Variants in TANC2 observed in about 807,000 individuals in gnomAD.
TANC2 encodes the protein protein TANC2.
A neutral mutation model predicts 210.5 loss-of-function variants in TANC2; 26 were observed. The ratio of observed to expected loss-of-function variants is 0.12; its 90% CI spans 0.09 to 0.17. The LOEUF is 0.17. Among genes scored for constraint, TANC2 ranks in the 10% least tolerant of loss-of-function variants. The pLI is 1.00. For missense variants in TANC2, 2,129 were observed against 2,608.9 expected (o/e 0.82, Z 4.01); for synonymous variants, 931 against 967.1 (o/e 0.96, Z 0.69).
In TANC2 at chr17:63,237,804, T is replaced by G; in HGVS notation, c.770-10T>G. The G allele has an allele frequency of 1.3e-6, 2 of 1,533,136 alleles. No individual in the cohort carries two copies. Among genetic ancestry groups the G allele is most frequent in the Non-Finnish European group, 1.8e-6 (2 of 1,140,722 alleles). The allele number at this position is 1,533,136 out of a possible 1,614,324, so 95.0% of individuals were successfully genotyped here. A position where few individuals can be genotyped will look rare whatever the true frequency, so the allele number is the denominator to read the frequency against. On this transcript the variant is annotated splice_polypyrimidine_tract_variant and intron_variant, in intron 7 of 27. Transcript: ENST00000689528. Reference sequence around the variant, plus strand: ...GCTTTATTAAATTCATTTTACTCTTTTTTTTTCAGCTACATTAACAAGCTA... The same window carrying G: ...GCTTTATTAAATTCATTTTACTCTTGTTTTTTCAGCTACATTAACAAGCTA...
chr17:63,332,212 AT>A, intron 11 of TANC2: 2 of 364,724 alleles, frequency 5.5e-6, no homozygotes, highest in Admixed American at 3.9e-5. Flanking sequence ...TGCTCTGGGA[AT>A]TTTGGCTATA....
At chr17:63,382,844 T>C (rs2047656639) in intron 15 of TANC2, among the ~76,000 whole-genome samples, 1 of 152,224 alleles carries the variant, frequency 6.6e-6, no homozygotes, top group South Asian at 2.1e-4. Context: ...TTTTTAATGC[T>C]ATAAGATTCT....
At position 63,421,032 on chromosome 17, in the gene TANC2, G is replaced by A. The variant is rs2049009654; in HGVS notation, c.5302G>A (p.Gly1768Ser). ...GCATGTCCAAGCCAGCCTGAGTGCAGGCGCCATCTGTCAGCATGGAGGATT... is the reference window on the plus strand; with the variant it reads ...GCATGTCCAAGCCAGCCTGAGTGCAAGCGCCATCTGTCAGCATGGAGGATT... The change falls in exon 28 of 28, where the codon GGC (glycine) becomes AGC (serine). Residue 1768 changes from glycine (G) to serine (S), a missense_variant. By Grantham distance (56) the Gly-to-Ser change is moderately conservative. Around this residue, in one of 5 missense-constraint regions of TANC2, gnomAD observed 584 missense variants for 627.3 expected, o/e 0.93. Coordinates refer to ENST00000689528, the Ensembl canonical transcript of TANC2. This position sits in a 1 kb window ranked among gnomAD's most constrained non-coding sequence, Gnocchi z 6.9. 2 of 1,614,008 alleles carry A rather than the reference G, an allele frequency of 1.2e-6. No homozygotes were observed. The highest frequency in any genetic ancestry group is 1.7e-6 in the Non-Finnish European group (2 of 1,179,888).
chr17:63,110,460 TA>T (rs1242651713), intron 4 of TANC2, among the ~76,000 whole-genome samples: 2 of 151,752 alleles, frequency 1.3e-5, no homozygotes, highest in African/African-American at 4.9e-5. Flanking sequence ...GGGTAATTCA[TA>T]AAGAACAGAA....
At chr17:63,284,367 G>A (rs2044156304) in intron 9 of TANC2, among the ~76,000 whole-genome samples, 1 of 151,884 alleles carries the variant, frequency 6.6e-6, no homozygotes, top group Admixed American at 6.6e-5. Flanking sequence ...CTGTATTTAT[G>A]TTCATGAGAG....
chr17:63,326,307 G>C (rs1266635834), intron 11 of TANC2, among the ~76,000 whole-genome samples: 2 of 152,124 alleles, frequency 1.3e-5, no homozygotes, highest in African/African-American at 4.8e-5. Flanking sequence ...AATTAAATGG[G>C]CTGAGACAAC....
At chr17:63,101,897 C>T (rs1046848613) in intron 4 of TANC2, among the ~76,000 whole-genome samples, 4 of 152,046 alleles carry the variant, frequency 2.6e-5, no homozygotes, top group African/African-American at 9.7e-5. Flanking sequence ...CCAGGCAGAG[C>T]TAACAGTCAG....
intron 7 of TANC2, among the ~76,000 whole-genome samples, chr17:63,222,760 C>T (rs1046258632): frequency 1.8e-4 from 28 of 151,832 alleles, no homozygotes; most frequent in Admixed American, 1.8e-3. Flanking sequence ...TACACACTAG[C>T]ATGACACAGC....
At chr17:63,124,525 G>A (rs981171597) in intron 4 of TANC2, among the ~76,000 whole-genome samples, 2 of 152,184 alleles carry the variant, frequency 1.3e-5, no homozygotes, top group Non-Finnish European at 2.9e-5. Context: ...CATTAAAGAG[G>A]AGAAAGAAAG....
intron 1 of TANC2, among the ~76,000 whole-genome samples, chr17:62,987,306 G>A (rs561567491): frequency 3.9e-5 from 6 of 152,154 alleles, no homozygotes; most frequent in Non-Finnish European, 8.8e-5. Context: ...TGGAGCCCCC[G>A]TGCTGGAGAG....
At chr17:63,423,491 C>T (rs531983818) in exon 28 of TANC2, 15 of 152,300 alleles carry the variant, frequency 9.8e-5, no homozygotes, top group African/African-American at 2.6e-4. Context: ...GCAACTGAAA[C>T]GAAACAAAGG....
rs554036473 is a variant in TANC2, at chr17:62,967,326, A to G, written c.-24+577A>G. On this transcript the variant is annotated intron_variant, in intron 1 of 27. Transcript: ENST00000689528. ...TTGAGGTAGAGAAAGTAACCACGTG[A>G]AAGAAAAAAAGCAAATTGTGTCTGG... 9 of 152,340 alleles carry G rather than the reference A, an allele frequency of 5.9e-5. No homozygotes were observed. The South Asian group carries it at 1.7e-3, about 28-fold the overall frequency. The allele number at this position is 152,340 out of a possible 1,614,324, so 9.4% of individuals were successfully genotyped here.
chr17:62,995,696 C>T (rs2033077339), intron 1 of TANC2, among the ~76,000 whole-genome samples: 1 of 152,226 alleles, frequency 6.6e-6, no homozygotes, highest in South Asian at 2.1e-4. Flanking sequence ...CTCAAGACTT[C>T]TTTGTTAATT....
chr17:63,347,054 C>T (rs1317274674), intron 12 of TANC2, among the ~76,000 whole-genome samples: 1 of 152,160 alleles, frequency 6.6e-6, no homozygotes, highest in African/African-American at 2.4e-5. Context: ...GACCAAGCAA[C>T]TCTATTGCTA....
intron 3 of TANC2, among the ~76,000 whole-genome samples, chr17:63,082,788 G>A (rs968022928): frequency 6.6e-6 from 1 of 152,124 alleles, no homozygotes; most frequent in African/African-American, 2.4e-5. Context: ...TAGAGTGGCT[G>A]GTTAGGCCAT....
intron 21 of TANC2, among the ~76,000 whole-genome samples, chr17:63,410,779 T>TGAACCCG (rs2048670974): frequency 7.1e-6 from 1 of 141,530 alleles, no homozygotes; most frequent in Admixed American, 7.9e-5. Flanking sequence ...GAGAATTGTC[T>TGAACCCG]GAACCCGGGA....
chr17:63,276,494 CT>C (rs554302518), intron 9 of TANC2, among the ~76,000 whole-genome samples: 7,325 of 134,014 alleles, frequency 0.055, 190 homozygotes, highest in African/African-American at 0.098. Flanking sequence ...TTTTCCCTTT[CT>C]TTTTTTTTTT....
At chr17:63,126,884 T>C (rs1476109407) in intron 4 of TANC2, among the ~76,000 whole-genome samples, 1 of 152,182 alleles carries the variant, frequency 6.6e-6, no homozygotes, top group East Asian at 1.9e-4. Flanking sequence ...AACAGTATTA[T>C]AGTGCCTAGA....
intron 5 of TANC2, among the ~76,000 whole-genome samples, chr17:63,178,417 T>C (rs987558636): frequency 2.6e-5 from 4 of 152,216 alleles, no homozygotes; most frequent in African/African-American, 9.7e-5. Context: ...GGGCATTGAT[T>C]CTCACAGCTA....
Sources: gnomAD v4.1 joint callset for allele counts (sites outside exome capture counted in the v4.1 genomes callset) on GRCh38, gnomAD v4.1.1 for gene constraint, gnomAD v4.1.1 regional missense constraint, Gnocchi (gnomAD v3.1) non-coding constraint, MANE v1.5 for transcripts, NCBI Gene and HGNC (gene_info 2026-07-23, HGNC 2026-07-21) for gene names.